The following PAK4 variants were observed in gnomAD, a reference collection of about 807,000 sequenced individuals.
PAK4 encodes the protein serine/threonine-protein kinase PAK 4.
A neutral mutation model predicts 53.5 loss-of-function variants in PAK4; 49 were observed. That is an observed-to-expected ratio of 0.92 (90% CI 0.73 to 1.16). The LOEUF (loss-of-function observed/expected upper bound fraction) is 1.16. PAK4 is among the 50% of genes most tolerant of loss of function. The pLI, the probability that PAK4 is intolerant of heterozygous loss-of-function variation, is 0.00. For synonymous variants in PAK4, 376 were observed against 375.6 expected (o/e 1.00, Z -0.01); for missense variants, 824 against 850.7 (o/e 0.97, Z 0.39).
rs1308578980 is a variant in PAK4 at position 39,173,759 on chromosome 19, G to T, written c.847G>T (p.Val283Phe). The T allele has an allele frequency of 1.9e-6, 3 of 1,588,940 alleles. No individual in the cohort carries two copies. Among genetic ancestry groups the T allele is most frequent in the East Asian group, 2.3e-5 (1 of 43,366 alleles). Reference sequence around the variant, plus strand: ...AGCCTGCACCCCCGCCGCCCCTGCTGTTCCTGGGCCCCCTGGCCCCCGCTC... The same window carrying T: ...AGCCTGCACCCCCGCCGCCCCTGCTTTTCCTGGGCCCCCTGGCCCCCGCTC... The change falls in exon 4 of 9, where the codon GTT becomes TTT. Residue 283 changes from valine to phenylalanine, a missense_variant. By Grantham distance (50) the Val-to-Phe change is conservative. This residue lies in a region of PAK4 where 478 missense variants were observed against 435.8 expected (regional missense o/e 1.10). Transcript: ENST00000358301. This position sits in a 1 kb window ranked among gnomAD's most constrained non-coding sequence, Gnocchi z 6.9.
chr19:39,139,711 A>G (rs138553468), intron 1 of PAK4, among the ~76,000 whole-genome samples: 4 of 152,112 alleles, frequency 2.6e-5, no homozygotes, highest in African/African-American at 9.6e-5. Flanking sequence ...CCACTCCCCA[A>G]TCTCCTTATC....
chr19:39,146,249 C>T (rs1460847721), intron 1 of PAK4, among the ~76,000 whole-genome samples: 1 of 151,806 alleles, frequency 6.6e-6, no homozygotes, highest in African/African-American at 2.4e-5. Flanking sequence ...CCAGAGTGAC[C>T]TTGGAAAGCA....
chr19:39,176,876 T>C (rs866976224), intron 7 of PAK4, among the ~76,000 whole-genome samples, 161 bp downstream of exon 8: 35 of 149,146 alleles, frequency 2.3e-4, no homozygotes, highest in Non-Finnish European at 2.4e-4. Flanking sequence ...TCATTCTTCT[T>C]TTTTTTTTTT....
chr19:39,135,868 T>TCTGG (rs1296471951), intron 1 of PAK4, among the ~76,000 whole-genome samples: 1 of 148,678 alleles, frequency 6.7e-6, no homozygotes, highest in Non-Finnish European at 1.5e-5. Context: ...CTTCTCCAAA[T>TCTGG]CTGGCACCCT....
chr19:39,172,281 C>T (rs1238347104), intron 2 of PAK4, among the ~76,000 whole-genome samples: 9 of 152,078 alleles, frequency 5.9e-5, no homozygotes, highest in Admixed American at 5.9e-4. Context: ...GCAGAGGGGG[C>T]CTGCAGGACA....
Position 39,175,486 on chromosome 19 carries a change from G to C in PAK4, c.1359+48G>C. ...ACGGGGGCGGCAGGTTTCCGGCTGCGGGGCTTCCCTGCCTCTTCCCATCCC... is the reference window on the plus strand; with the variant it reads ...ACGGGGGCGGCAGGTTTCCGGCTGCCGGGCTTCCCTGCCTCTTCCCATCCC... On this transcript the variant is annotated intron_variant, in intron 6 of 8. Transcript: ENST00000358301. The surrounding 1 kb of genome is among the most constrained non-coding windows in gnomAD (Gnocchi z 4.7). 6.5e-7 allele frequency: 1 copy of C among 1,547,228 alleles called. No individual in the cohort carries two copies. Among genetic ancestry groups the C allele is most frequent in the Non-Finnish European group, 8.8e-7 (1 of 1,139,354 alleles).
rs1248093315 is a variant in PAK4 at position 39,174,019 on chromosome 19, G to A, written c.1098+9G>A. The A allele has an allele frequency of 9.7e-6, 15 of 1,547,902 alleles. No homozygotes were observed. In the East Asian group the frequency reaches 1.2e-4, roughly 12 times the overall value. On this transcript the variant is annotated intron_variant, in intron 4 of 8. Transcript: ENST00000358301. ...AGCTGCTCTTCAACGAGGTGCGGGC[G>A]CTGCTGCCCTGCCGCCCTGCTGGTC...
At chr19:39,150,748 T>TA (rs1427792799) in intron 1 of PAK4, among the ~76,000 whole-genome samples, 1 of 151,940 alleles carries the variant, frequency 6.6e-6, no homozygotes, top group Non-Finnish European at 1.5e-5. Flanking sequence ...TAATAAAAAT[T>TA]AAAAAAATGT....
Position 39,175,931 on chromosome 19 carries a change from A to C in PAK4, c.1359+493A>C, listed in dbSNP as rs1264924568. Among the ~76,000 whole-genome samples, 2 of 152,192 alleles carry C rather than the reference A, an allele frequency of 1.3e-5. No homozygotes were observed. Among genetic ancestry groups the C allele is most frequent in the African/African-American group, 2.4e-5 (1 of 41,448 alleles). ...GATGACTCCATCCCCTCCCCCAAGG[A>C]AGATTAAGCCACACCATTAGTCCAG... On this transcript the variant is annotated intron_variant, in intron 6 of 8. Transcript: ENST00000358301. This position sits in a 1 kb window ranked among gnomAD's most constrained non-coding sequence, Gnocchi z 4.7.
At chr19:39,133,305 A>G (rs1369920028) in intron 1 of PAK4, among the ~76,000 whole-genome samples, 1 of 152,228 alleles carries the variant, frequency 6.6e-6, no homozygotes, top group East Asian at 1.9e-4. Flanking sequence ...CTGCGTTACT[A>G]ATAGCCGTAT....
chr19:39,138,543 G>C (rs1052672302), intron 1 of PAK4, among the ~76,000 whole-genome samples: 4 of 152,160 alleles, frequency 2.6e-5, no homozygotes, highest in Non-Finnish European at 5.9e-5. Context: ...CCTCTTGTGG[G>C]GTTTTTCCCA....
exon 9 of PAK4, chr19:39,179,046 C>G (rs938303848): frequency 1.3e-5 from 2 of 153,410 alleles, no homozygotes; most frequent in African/African-American, 4.8e-5. Context: ...GCCCCCTCTC[C>G]CCCTGAGCCA....
At chr19:39,126,700 G>C (rs1555772978) in intron 1 of PAK4, among the ~76,000 whole-genome samples, 1 of 151,982 alleles carries the variant, frequency 6.6e-6, no homozygotes, top group Non-Finnish European at 1.5e-5. Context: ...CGGAGTTCTG[G>C]CCCAGAGCCC....
chr19:39,172,769 C>A, intron 2 of PAK4, 149 bp from the exon 4 acceptor site: 3 of 708,436 alleles, frequency 4.2e-6, no homozygotes, highest in Admixed American at 2.8e-5. Context: ...GCTGCACTGC[C>A]CATGCCATTG....
chr19:39,159,828 G>A (rs974873135), intron 1 of PAK4, among the ~76,000 whole-genome samples: 1 of 152,216 alleles, frequency 6.6e-6, no homozygotes, highest in African/African-American at 2.4e-5. Context: ...GAGGAACGAA[G>A]GAGAGCAGGG....
rs903033714 is a variant in PAK4, at chr19:39,161,789, C to A, written c.-22-7743C>A. On this transcript the variant is annotated intron_variant, in intron 1 of 8. Coordinates refer to ENST00000358301, the Ensembl canonical transcript of PAK4. The surrounding 1 kb of genome is among the most constrained non-coding windows in gnomAD (Gnocchi z 4.5). Reference sequence around the variant, plus strand: ...CTGCTCCAGCCACGTGGCCTCCTCGCTGTCCCTTGACCATATCAAGCAAAT... The same window carrying A: ...CTGCTCCAGCCACGTGGCCTCCTCGATGTCCCTTGACCATATCAAGCAAAT... Among the ~76,000 whole-genome samples the A allele has an allele frequency of 2.0e-5, 3 of 151,936 alleles. No individual in the cohort carries two copies. Among genetic ancestry groups the A allele is most frequent in the African/African-American group, 7.3e-5 (3 of 41,352 alleles).
intron 1 of PAK4, among the ~76,000 whole-genome samples, chr19:39,157,100 C>T (rs907656675): frequency 1.3e-5 from 2 of 152,094 alleles, no homozygotes; most frequent in African/African-American, 4.8e-5. Context: ...CTGGCTTGCA[C>T]GAGGGCAGAA....
intron 1 of PAK4, among the ~76,000 whole-genome samples, chr19:39,164,149 C>T (rs968823929): frequency 2.6e-5 from 4 of 151,874 alleles, no homozygotes; most frequent in East Asian, 1.9e-4. Context: ...TGGTGGCGGA[C>T]GCCTGTAATC....
chr19:39,149,936 G>C (rs2074066184), intron 1 of PAK4, among the ~76,000 whole-genome samples: 1 of 152,130 alleles, frequency 6.6e-6, no homozygotes, highest in Non-Finnish European at 1.5e-5. Context: ...GGGTTTGAGG[G>C]GAACAAGGAG....
Sources: allele counts gnomAD v4.1 joint callset (sites outside exome capture counted in the v4.1 genomes callset), GRCh38; gene constraint gnomAD v4.1.1; regional missense constraint gnomAD v4.1.1; non-coding constraint Gnocchi (gnomAD v3.1); transcripts MANE v1.5; gene names NCBI Gene and HGNC (gene_info 2026-07-23, HGNC 2026-07-21).